NOX4: variants seen among roughly 807,000 people sequenced by gnomAD.
NOX4 encodes the protein kidney oxidase-1.
NOX4 carries 69 observed loss-of-function variants against 87.6 expected under a neutral mutation model. That is an observed-to-expected ratio of 0.79 (90% CI 0.65 to 0.96). The LOEUF (loss-of-function observed/expected upper bound fraction) is 0.96. NOX4 is among the 40% of genes least tolerant of loss of function. The probability of loss-of-function intolerance (pLI) is 0.00; values close to 1 mark genes in which losing one functional copy is unlikely to be tolerated. For missense variants in NOX4, 680 were observed against 681.5 expected (o/e 1.00, Z 0.02); for synonymous variants, 275 against 238.2 (o/e 1.15, Z -1.42).
At chr11:89,472,747 C>T (rs1340976837) in intron 2 of NOX4, among the ~76,000 whole-genome samples, 5 of 152,182 alleles carry the variant, frequency 3.3e-5, no homozygotes, top group Non-Finnish European at 7.4e-5. Flanking sequence ...CACTTCTAGA[C>T]TCTGTGCCTG....
At chr11:89,456,810 G>A (rs1430287477) in intron 2 of NOX4, among the ~76,000 whole-genome samples, 1 of 152,128 alleles carries the variant, frequency 6.6e-6, no homozygotes, top group Admixed American at 6.5e-5. Flanking sequence ...CAGCTGCAGT[G>A]GAGTATGGCT....
At chr11:89,511,851 A>C in the NOX4 span, among the ~76,000 whole-genome samples, 2 of 152,090 alleles carry the variant, frequency 1.3e-5, no homozygotes, top group East Asian at 3.9e-4. Flanking sequence ...TACCTCACAC[A>C]ATACTTGTTT....
At chr11:89,369,339 A>G (rs1360620259) in intron 12 of NOX4, among the ~76,000 whole-genome samples, 1 of 152,062 alleles carries the variant, frequency 6.6e-6, no homozygotes, top group Non-Finnish European at 1.5e-5. Context: ...TCTATAAACC[A>G]TGGCTAAGTG....
intron 2 of NOX4, among the ~76,000 whole-genome samples, chr11:89,465,032 C>T (rs1253979975): frequency 1.3e-5 from 2 of 152,112 alleles, no homozygotes; most frequent in Admixed American, 6.6e-5. Flanking sequence ...GCTACATGTG[C>T]AGAACGTGTA....
intron 12 of NOX4, among the ~76,000 whole-genome samples, chr11:89,365,651 T>C (rs775502484): frequency 6.8e-6 from 1 of 147,540 alleles, no homozygotes; most frequent in Non-Finnish European, 1.5e-5. Context: ...AAGACTCAGC[T>C]CCATACTAAT....
intron 8 of NOX4, among the ~76,000 whole-genome samples, chr11:89,405,019 C>G (rs1942089237): frequency 6.7e-6 from 1 of 148,488 alleles, no homozygotes; most frequent in Non-Finnish European, 1.5e-5. Flanking sequence ...TCACGCAAAG[C>G]AAATCAGATG....
chr11:89,471,011 G>A lies in NOX4; in HGVS notation c.154-19116C>T, dbSNP rs1945913053. 2.0e-5 allele frequency among the ~76,000 whole-genome samples: 3 copies of A among 152,160 alleles called. No homozygotes were observed. In the South Asian group the frequency reaches 6.2e-4, roughly 31 times the overall value. ...TATTAATCTTTCAGTCACAAAGAAAGTGAAGAAAGTGTCCGAGTGTCACTT... is the reference window on the plus strand; with the variant it reads ...TATTAATCTTTCAGTCACAAAGAAAATGAAGAAAGTGTCCGAGTGTCACTT... On this transcript the variant is annotated intron_variant, in intron 2 of 17. Coordinates refer to ENST00000263317, the MANE Select transcript of NOX4 (RefSeq NM_016931.5).
At chr11:89,544,555 T>C in the NOX4 span, among the ~76,000 whole-genome samples, 1 of 152,168 alleles carries the variant, frequency 6.6e-6, no homozygotes, top group South Asian at 2.1e-4. Context: ...CTTAACATAC[T>C]GACAATAATA....
At chr11:89,584,774 TAGATA>T in the NOX4 span, among the ~76,000 whole-genome samples, 1 of 152,124 alleles carries the variant, frequency 6.6e-6, no homozygotes, top group Non-Finnish European at 1.5e-5. Context: ...TGACTAAAGA[TAGATA>T]AGATAATGTA....
In NOX4 at chr11:89,443,904, T is replaced by A. The variant is rs75552336; in HGVS notation, c.447+231A>T. The A allele has an allele frequency of 4.0e-3, 1,857 of 461,170 alleles. 26 individuals are homozygous for A. Among genetic ancestry groups the A allele is most frequent in the African/African-American group, 0.034 (1,743 of 50,884 alleles). 28.6% of individuals were successfully genotyped at this position (461,170 alleles called of 1,614,324 possible). On this transcript the variant is annotated intron_variant, in intron 5 of 17. Transcript: ENST00000263317. Reference sequence around the variant, plus strand: ...GACCTGAGTGGCAACCATCTGAACATTGCAATATAAAAAGTAGACATTCTA... The same window carrying A: ...GACCTGAGTGGCAACCATCTGAACAATGCAATATAAAAAGTAGACATTCTA...
At chr11:89,453,228 CCAG>C (rs146156489) in intron 2 of NOX4, among the ~76,000 whole-genome samples, 6,673 of 152,114 alleles carry the variant, frequency 0.044, 443 homozygotes, top group African/African-American at 0.15. Flanking sequence ...GCTCTGGTAA[CCAG>C]CAGCATTCTA....
the NOX4 span, among the ~76,000 whole-genome samples, chr11:89,534,727 C>T: frequency 6.6e-6 from 1 of 152,182 alleles, no homozygotes; most frequent in Admixed American, 6.6e-5. Flanking sequence ...ACCCAGTAGA[C>T]TGGACTGCCC....
chr11:89,587,765 A>G, the NOX4 span, among the ~76,000 whole-genome samples: 2 of 152,178 alleles, frequency 1.3e-5, no homozygotes, highest in African/African-American at 2.4e-5. Context: ...CAATTAAAAT[A>G]TCTATCTCTA....
At chr11:89,430,886 T>C (rs1943742842) in intron 7 of NOX4, among the ~76,000 whole-genome samples, 1 of 152,168 alleles carries the variant, frequency 6.6e-6, no homozygotes, top group African/African-American at 2.4e-5. Context: ...AAAAAGAGCC[T>C]GCATTGCCAA....
intron 2 of NOX4, among the ~76,000 whole-genome samples, chr11:89,463,933 C>A (rs2099302110): frequency 6.6e-6 from 1 of 151,898 alleles, no homozygotes; most frequent in South Asian, 2.1e-4. Flanking sequence ...TTTGATCTGG[C>A]ATTTGCATAT....
chr11:89,485,550 G>GGTA (rs1946558312), intron 2 of NOX4, among the ~76,000 whole-genome samples: 1 of 151,938 alleles, frequency 6.6e-6, no homozygotes, highest in Non-Finnish European at 1.5e-5. Flanking sequence ...ATGAATTCAA[G>GGTA]AGCTCCTATA....
intron 7 of NOX4, among the ~76,000 whole-genome samples, chr11:89,432,213 A>T (rs1429709671): frequency 1.3e-5 from 2 of 151,774 alleles, no homozygotes; most frequent in Non-Finnish European, 2.9e-5. Flanking sequence ...GGGTTGGGAG[A>T]GGGGGAGGGA....
the NOX4 span, among the ~76,000 whole-genome samples, chr11:89,574,737 A>G: frequency 6.6e-6 from 1 of 152,228 alleles, no homozygotes; most frequent in Non-Finnish European, 1.5e-5. Context: ...CTTTACTCAG[A>G]TAGCCCCAAA....
chr11:89,431,418 A>T (rs544802938), intron 7 of NOX4, among the ~76,000 whole-genome samples: 15 of 152,324 alleles, frequency 9.8e-5, no homozygotes, highest in African/African-American at 3.6e-4. Context: ...TGAACAGGCA[A>T]CCTACAGAAT....
Sources: allele counts gnomAD v4.1 joint callset (sites outside exome capture counted in the v4.1 genomes callset), GRCh38; gene constraint gnomAD v4.1.1; transcripts MANE v1.5; gene names NCBI Gene and HGNC (gene_info 2026-07-23, HGNC 2026-07-21).